TMCO5A: variants seen among roughly 807,000 people sequenced by gnomAD.
TMCO5A encodes the protein transmembrane and coiled-coil domains 5A.
TMCO5A carries 34 observed loss-of-function variants against 42.3 expected under a neutral mutation model. The ratio of observed to expected loss-of-function variants is 0.80; its 90% CI spans 0.61 to 1.07. The LOEUF is 1.07. Among genes scored for constraint, TMCO5A ranks in the 50% least tolerant of loss-of-function variants. TMCO5A has a pLI of 0.00. For missense variants in TMCO5A, 357 were observed against 327.9 expected (o/e 1.09, Z -0.69); for synonymous variants, 131 against 115.6 (o/e 1.13, Z -0.86).
At position 37,937,247 on chromosome 15, in the gene TMCO5A, C is replaced by T. The variant is rs1889550186; in HGVS notation, c.265-99C>T. ...ACATTATGCAAATAAGGTCAAGTTA[C>T]TGCAGGAAAATATAGCTGGGGTGAA... On this transcript the variant is annotated intron_variant, in intron 4 of 11. Transcript: ENST00000319669. The T allele has an allele frequency of 7.1e-6, 10 of 1,408,608 alleles. No individual in the cohort carries two copies. In the South Asian group the frequency reaches 7.2e-5, roughly 10 times the overall value. 87.3% of individuals were successfully genotyped at this position (1,408,608 alleles called of 1,614,324 possible).
At chr15:37,986,280 A>G in the TMCO5A span, among the ~76,000 whole-genome samples, 4 of 152,102 alleles carry the variant, frequency 2.6e-5, no homozygotes, top group African/African-American at 9.7e-5. Flanking sequence ...CTTAGAAGCC[A>G]TAAAGAAAAA....
At chr15:37,956,857 C>T (rs572280400) in intron 11 of TMCO5A, among the ~76,000 whole-genome samples, 2 of 152,206 alleles carry the variant, frequency 1.3e-5, no homozygotes, top group African/African-American at 4.8e-5. Context: ...TACTGGCAAA[C>T]CAAATCCAGC....
At chr15:37,938,086 TCTC>T in intron 5 of TMCO5A, 69 bp from the exon 6 acceptor site, 2 of 1,297,398 alleles carry the variant, frequency 1.5e-6, no homozygotes, top group Non-Finnish European at 2.2e-6. Flanking sequence ...TAGTTACTAA[TCTC>T]CACACACCAG....
At chr15:37,974,851 G>A in the TMCO5A span, among the ~76,000 whole-genome samples, 1 of 152,016 alleles carries the variant, frequency 6.6e-6, no homozygotes, top group Non-Finnish European at 1.5e-5. Flanking sequence ...GCTAATTTAA[G>A]ATCTTTCTAT....
the TMCO5A span, among the ~76,000 whole-genome samples, chr15:37,982,902 C>A: frequency 1.3e-4 from 19 of 151,380 alleles, no homozygotes; most frequent in East Asian, 9.7e-4. Flanking sequence ...ACTGCAGAAA[C>A]TGAATCATCC....
At chr15:38,014,650 G>T in the TMCO5A span, among the ~76,000 whole-genome samples, 2 of 151,602 alleles carry the variant, frequency 1.3e-5, no homozygotes, top group Non-Finnish European at 2.9e-5. Flanking sequence ...TTCTACCCCC[G>T]CAAGTTCTAC....
chr15:38,018,362 A>G, the TMCO5A span, among the ~76,000 whole-genome samples: 3 of 152,212 alleles, frequency 2.0e-5, no homozygotes, highest in Non-Finnish European at 4.4e-5. Flanking sequence ...TTGTCCTCAG[A>G]GAGAGTTAAG....
At chr15:37,938,078 G>A in intron 5 of TMCO5A, 80 bp from the exon 6 acceptor site, 23 of 1,209,582 alleles carry the variant, frequency 1.9e-5, no homozygotes, top group Non-Finnish European at 2.7e-5. Flanking sequence ...AAAGGCCATA[G>A]TTACTAATCT....
chr15:38,005,888 A>C, the TMCO5A span, among the ~76,000 whole-genome samples: 1 of 152,242 alleles, frequency 6.6e-6, no homozygotes, highest in Non-Finnish European at 1.5e-5. Context: ...TCATGGATGA[A>C]GACCGAAGGA....
intron 1 of TMCO5A, 52 bp downstream of exon 1, chr15:37,934,746 A>C (rs899249187): frequency 6.6e-6 from 1 of 152,144 alleles, no homozygotes; most frequent in African/African-American, 2.4e-5. Context: ...AGGGGAAGGG[A>C]GAGACAAATG....
chr15:38,024,149 AT>A, the TMCO5A span, among the ~76,000 whole-genome samples: 2 of 152,134 alleles, frequency 1.3e-5, no homozygotes, highest in African/African-American at 2.4e-5. Flanking sequence ...TCTGGTTTTA[AT>A]TTTCCTCTTT....
chr15:37,998,808 ATT>A, the TMCO5A span, among the ~76,000 whole-genome samples: 1 of 152,166 alleles, frequency 6.6e-6, no homozygotes, highest in South Asian at 2.1e-4. Context: ...TTTGAACAAT[ATT>A]GATTCTTCCA....
chr15:37,951,822 G>A (rs1890166841), downstream of TMCO5A, among the ~76,000 whole-genome samples: 1 of 152,228 alleles, frequency 6.6e-6, no homozygotes, highest in African/African-American at 2.4e-5. Context: ...CTCAGAGTCT[G>A]TAGTTTTAAC....
chr15:37,996,168 G>C, the TMCO5A span, among the ~76,000 whole-genome samples: 5 of 152,200 alleles, frequency 3.3e-5, no homozygotes, highest in Non-Finnish European at 5.9e-5. Context: ...GCGTAAGAGT[G>C]ATTCATGCTG....
At chr15:37,983,274 C>T in the TMCO5A span, among the ~76,000 whole-genome samples, 1 of 152,150 alleles carries the variant, frequency 6.6e-6, no homozygotes, top group Non-Finnish European at 1.5e-5. Context: ...TTGTTTTACA[C>T]AATCTTCTAA....
rs1889519841 is a variant in TMCO5A, at chr15:37,936,546, G to T, written c.140+83G>T. ...AAACCAAAACTGAATTTTCCTGCTTGTTCTAGAGACTTCTACCTTGTGTGG... is the reference window on the plus strand; with the variant it reads ...AAACCAAAACTGAATTTTCCTGCTTTTTCTAGAGACTTCTACCTTGTGTGG... On this transcript the variant is annotated intron_variant, in intron 3 of 11. Coordinates refer to ENST00000319669, the MANE Select transcript of TMCO5A (RefSeq NM_152453.4). 3 of 1,500,844 alleles carry T rather than the reference G, an allele frequency of 2.0e-6. No homozygotes were observed. The South Asian group carries it at 3.9e-5, about 20-fold the overall frequency. 93.0% of individuals were successfully genotyped at this position (1,500,844 alleles called of 1,614,324 possible).
downstream of TMCO5A, among the ~76,000 whole-genome samples, chr15:37,953,754 T>C (rs1566921316): frequency 1.3e-5 from 2 of 152,028 alleles, no homozygotes; most frequent in Admixed American, 6.6e-5. Flanking sequence ...AACAGAGATA[T>C]GTGACCTTTC....
the TMCO5A span, among the ~76,000 whole-genome samples, chr15:37,999,432 G>T: frequency 1.3e-5 from 2 of 152,156 alleles, no homozygotes; most frequent in African/African-American, 4.8e-5. Flanking sequence ...TCTTTTGGCA[G>T]ATTTTTTAGG....
chr15:38,013,090 G>T, the TMCO5A span, among the ~76,000 whole-genome samples: 2 of 152,268 alleles, frequency 1.3e-5, no homozygotes, highest in Admixed American at 1.3e-4. Context: ...ACCACTGGGT[G>T]CCAGTGAAAC....
Sources: gnomAD v4.1 joint callset for allele counts (sites outside exome capture counted in the v4.1 genomes callset) on GRCh38, gnomAD v4.1.1 for gene constraint, MANE v1.5 for transcripts, NCBI Gene and HGNC (gene_info 2026-07-23, HGNC 2026-07-21) for gene names.